The following CNGB3 variants were observed in gnomAD, a reference collection of about 807,000 sequenced individuals.
CNGB3 encodes the protein cyclic nucleotide-gated channel beta-3.
A neutral mutation model predicts 92.8 loss-of-function variants in CNGB3; 86 were observed. The ratio of observed to expected loss-of-function variants is 0.93; its 90% CI spans 0.78 to 1.11. The LOEUF (loss-of-function observed/expected upper bound fraction) is 1.11, where lower values mean the gene tolerates loss of function less well. CNGB3 is among the 50% of genes least tolerant of loss of function. The pLI is 0.00. For synonymous variants in CNGB3, 333 were observed against 332.7 expected (o/e 1.00, Z -0.01); for missense variants, 1,026 against 956.8 (o/e 1.07, Z -0.95).
intron 2 of CNGB3, among the ~76,000 whole-genome samples, chr8:86,737,828 T>A (rs1320346499): frequency 6.6e-6 from 1 of 152,208 alleles, no homozygotes; most frequent in Non-Finnish European, 1.5e-5. Context: ...ACATGCGGTA[T>A]TTGGTTTTCT....
chr8:86,581,984 T>C (rs1821794963), intron 15 of CNGB3, among the ~76,000 whole-genome samples: 1 of 152,232 alleles, frequency 6.6e-6, no homozygotes, highest in South Asian at 2.1e-4. Context: ...ATTTGTTACA[T>C]AATTTTTAGC....
At chr8:86,723,706 C>T (rs1347703413) in intron 3 of CNGB3, among the ~76,000 whole-genome samples, 1 of 152,130 alleles carries the variant, frequency 6.6e-6, no homozygotes, top group Non-Finnish European at 1.5e-5. Context: ...TTCAGTGCAG[C>T]TGGTTTTCAC....
chr8:86,693,558 AG>A (rs1381346435), intron 3 of CNGB3, among the ~76,000 whole-genome samples: 2 of 149,840 alleles, frequency 1.3e-5, no homozygotes, highest in Non-Finnish European at 3.0e-5. Context: ...AAGTGAACAA[AG>A]GTCTCTGGTT....
At chr8:86,595,006 G>GCCAC (rs1489568983) in intron 15 of CNGB3, among the ~76,000 whole-genome samples, 1 of 152,170 alleles carries the variant, frequency 6.6e-6, no homozygotes, top group African/African-American at 2.4e-5. Context: ...ACAGGCGTGA[G>GCCAC]CCACCGCACC....
chr8:86,675,556 G>T (rs1369346402), intron 3 of CNGB3, among the ~76,000 whole-genome samples: 1 of 152,120 alleles, frequency 6.6e-6, no homozygotes, highest in Non-Finnish European at 1.5e-5. Flanking sequence ...GCTGGCAAAA[G>T]GTGTGTGCCA....
At chr8:86,704,952 C>T (rs901755565) in intron 3 of CNGB3, among the ~76,000 whole-genome samples, 1 of 152,040 alleles carries the variant, frequency 6.6e-6, no homozygotes, top group Non-Finnish European at 1.5e-5. Context: ...GTTCAGAGGT[C>T]ACCAGCAACC....
chr8:86,684,697 A>G (rs1596027), intron 3 of CNGB3, among the ~76,000 whole-genome samples: 30,775 of 151,562 alleles, frequency 0.2, 3,337 homozygotes, highest in Middle Eastern at 0.36. Flanking sequence ...TGCACACACA[A>G]TTTAGAAAGA....
chr8:86,650,047 C>G (rs938695312), intron 7 of CNGB3, among the ~76,000 whole-genome samples: 1 of 150,418 alleles, frequency 6.6e-6, no homozygotes, highest in African/African-American at 2.4e-5. Context: ...GAAAAAAATG[C>G]CCCCCCGCCC....
chr8:86,608,574 G>A (rs746860706), intron 14 of CNGB3, among the ~76,000 whole-genome samples: 38 of 152,226 alleles, frequency 2.5e-4, no homozygotes, highest in Non-Finnish European at 4.7e-4. Flanking sequence ...CCGTCTCCCT[G>A]TGATGCTGTG....
Position 86,670,759 on chromosome 8 carries a change from T to A in CNGB3, c.493+185A>T, listed in dbSNP as rs114412215. Among the ~76,000 whole-genome samples, 819 of 152,190 alleles carry A rather than the reference T, an allele frequency of 5.4e-3. 5 individuals carry two copies. Among genetic ancestry groups the A allele is most frequent in the African/African-American group, 0.018 (761 of 41,526 alleles). On this transcript the variant is annotated intron_variant, in intron 4 of 17. Coordinates refer to ENST00000320005, the MANE Select transcript of CNGB3 (RefSeq NM_019098.5). ...CGCCAGTAATCCTCTTATTAACCCA[T>A]CTGTACTGTCTTAACTTTGTTCTCT... is the stretch of plus-strand genomic sequence containing the variant.
At chr8:86,636,641 A>G (rs1479336296) in intron 10 of CNGB3, among the ~76,000 whole-genome samples, 2 of 151,480 alleles carry the variant, frequency 1.3e-5, no homozygotes, top group Admixed American at 1.3e-4. Context: ...GAATTTAAAG[A>G]AAGTACAGTA....
chr8:86,644,536 G>A, intron 9 of CNGB3, 86 bp downstream of exon 9: 1 of 1,528,736 alleles, frequency 6.5e-7, no homozygotes, highest in Non-Finnish European at 8.9e-7. Flanking sequence ...TTTTGAAGAG[G>A]GGGGTCATAT....
At chr8:86,630,503 T>A (rs1433812230) in intron 11 of CNGB3, among the ~76,000 whole-genome samples, 1 of 152,058 alleles carries the variant, frequency 6.6e-6, no homozygotes, top group Non-Finnish European at 1.5e-5. Context: ...GGGAAGTACA[T>A]GAGAGTATGA....
At chr8:86,659,213 C>T (rs1823581279) in intron 6 of CNGB3, 1 of 727,258 alleles carries the variant, frequency 1.4e-6, no homozygotes, top group East Asian at 2.5e-5. Flanking sequence ...TCTGCTACCG[C>T]ATGGCCCTCC....
At chr8:86,648,313 A>G (rs1823329032) in intron 7 of CNGB3, among the ~76,000 whole-genome samples, 1 of 151,134 alleles carries the variant, frequency 6.6e-6, no homozygotes. Context: ...GTTTCAGCCA[A>G]TTCTCCTGTG....
chr8:86,653,945 T>C (rs1370312516), intron 7 of CNGB3, 67 bp downstream of exon 7: 2 of 1,043,578 alleles, frequency 1.9e-6, no homozygotes, highest in Non-Finnish European at 3.0e-6. Flanking sequence ...TAGAAATCTA[T>C]AGATGGGATT....
intron 3 of CNGB3, among the ~76,000 whole-genome samples, chr8:86,680,171 A>G (rs1824055058): frequency 6.6e-6 from 1 of 152,242 alleles, no homozygotes; most frequent in Non-Finnish European, 1.5e-5. Flanking sequence ...AGATCAAGAT[A>G]TTAGGCCAAA....
chr8:86,698,866 A>G (rs1824498391), intron 3 of CNGB3, among the ~76,000 whole-genome samples: 2 of 152,196 alleles, frequency 1.3e-5, no homozygotes, highest in Admixed American at 6.5e-5. Flanking sequence ...CAGGATCACC[A>G]TAGACCAAAG....
At chr8:86,626,363 G>T (rs190377248) in intron 12 of CNGB3, among the ~76,000 whole-genome samples, 1 of 152,152 alleles carries the variant, frequency 6.6e-6, no homozygotes, top group Non-Finnish European at 1.5e-5. Flanking sequence ...GCTATGAAAC[G>T]TAATGATCAT....
Sources: gnomAD v4.1 joint callset for allele counts (sites outside exome capture counted in the v4.1 genomes callset) on GRCh38, gnomAD v4.1.1 for gene constraint, MANE v1.5 for transcripts, NCBI Gene and HGNC (gene_info 2026-07-23, HGNC 2026-07-21) for gene names.